Variants in SBF2 observed in about 807,000 individuals in gnomAD.
SBF2 encodes the protein SET binding factor 2, also known as myotubularin-related protein 13.
Under a neutral mutation model 225.2 loss-of-function variants are expected in SBF2, and 112 were observed. That is an observed-to-expected ratio of 0.50 (90% confidence interval 0.43 to 0.58). The LOEUF is 0.58. Ranked by LOEUF, SBF2 falls within the 20% of genes least tolerant of loss-of-function variation. The pLI is 0.00. For missense variants in SBF2, 1,996 were observed against 2,206.2 expected (o/e 0.90, Z 1.91); for synonymous variants, 763 against 773.3 (o/e 0.99, Z 0.22).
At chr11:10,201,541 G>A (rs1957570297) in intron 1 of SBF2, among the ~76,000 whole-genome samples, 1 of 152,192 alleles carries the variant, frequency 6.6e-6, no homozygotes, top group South Asian at 2.1e-4. Context: ...TGTTTCAACT[G>A]ACATAAGCCT....
chr11:10,287,154 A>G (rs1963849351), intron 1 of SBF2, among the ~76,000 whole-genome samples: 1 of 152,252 alleles, frequency 6.6e-6, no homozygotes, highest in African/African-American at 2.4e-5. Context: ...TTTATATGAC[A>G]TTCTAGAAAA....
intron 2 of SBF2, among the ~76,000 whole-genome samples, chr11:10,092,856 G>GT (rs1951839363): frequency 6.6e-6 from 1 of 151,958 alleles, no homozygotes; most frequent in Non-Finnish European, 1.5e-5. Context: ...ATTCCTCTCA[G>GT]TAAGATTATA....
chr11:10,127,170 C>T (rs1385284865), intron 2 of SBF2, among the ~76,000 whole-genome samples: 1 of 152,074 alleles, frequency 6.6e-6, no homozygotes, highest in Admixed American at 6.5e-5. Context: ...GGTACACTTA[C>T]AACACTTAAA....
chr11:10,093,737 C>G (rs1951883283), intron 2 of SBF2, among the ~76,000 whole-genome samples: 1 of 152,164 alleles, frequency 6.6e-6, no homozygotes. Flanking sequence ...TTGCTAAATA[C>G]AGAAAGGTTA....
chr11:10,058,432 G>A (rs1344837700), intron 2 of SBF2, among the ~76,000 whole-genome samples: 1 of 152,058 alleles, frequency 6.6e-6, no homozygotes, highest in Non-Finnish European at 1.5e-5. Flanking sequence ...TTGAAGACTG[G>A]TTCTCTCAAA....
At chr11:9,884,172 C>G (rs1356926221) in intron 17 of SBF2, among the ~76,000 whole-genome samples, 1 of 152,122 alleles carries the variant, frequency 6.6e-6, no homozygotes, top group Admixed American at 6.5e-5. Flanking sequence ...GGGTCCAGGT[C>G]AAAGGATTAG....
At chr11:9,802,141 T>C (rs1853529376) in intron 32 of SBF2, among the ~76,000 whole-genome samples, 1 of 152,230 alleles carries the variant, frequency 6.6e-6, no homozygotes. Flanking sequence ...CTATTCATGT[T>C]TTCTCCTGAT....
chr11:9,806,786 T>A (rs567343472), intron 32 of SBF2, among the ~76,000 whole-genome samples: 16 of 152,326 alleles, frequency 1.1e-4, no homozygotes, highest in African/African-American at 3.8e-4. Flanking sequence ...GTATGGAGTT[T>A]CTTTTTGGAG....
At chr11:10,079,148 T>C (rs1951254823) in intron 2 of SBF2, among the ~76,000 whole-genome samples, 2 of 152,060 alleles carry the variant, frequency 1.3e-5, no homozygotes, top group African/African-American at 4.8e-5. Context: ...ACTGGAAATA[T>C]TTAAAAAAAC....
intron 2 of SBF2, among the ~76,000 whole-genome samples, chr11:10,175,145 A>G (rs1172956076): frequency 2.0e-5 from 3 of 150,270 alleles, no homozygotes; most frequent in African/African-American, 4.9e-5. Flanking sequence ...TGACAGGATC[A>G]AATTCACACA....
chr11:9,799,451 TC>T (rs950635692), intron 32 of SBF2, among the ~76,000 whole-genome samples: 4 of 151,458 alleles, frequency 2.6e-5, no homozygotes, highest in African/African-American at 9.7e-5. Context: ...AAAACAAACC[TC>T]CCCCAAACTG....
At chr11:10,227,219 T>C (rs1958610136) in intron 1 of SBF2, among the ~76,000 whole-genome samples, 2 of 152,228 alleles carry the variant, frequency 1.3e-5, no homozygotes, top group African/African-American at 4.8e-5. Context: ...TTCTGGATAT[T>C]AGACCTTTGT....
chr11:9,943,933 GGTCATTACAACACT>G (rs1865424752), intron 16 of SBF2, among the ~76,000 whole-genome samples: 1 of 152,132 alleles, frequency 6.6e-6, no homozygotes, highest in African/African-American at 2.4e-5. Flanking sequence ...TATTAGGAAT[GGTCATTACAACACT>G]GTGTTTAGTT....
intron 2 of SBF2, among the ~76,000 whole-genome samples, chr11:10,190,838 C>T (rs942137577): frequency 6.6e-6 from 1 of 152,182 alleles, no homozygotes; most frequent in Non-Finnish European, 1.5e-5. Flanking sequence ...CAGAATTCTA[C>T]ATTTACACTA....
chr11:10,002,213 T>C (rs938951949), intron 7 of SBF2, among the ~76,000 whole-genome samples: 12 of 152,180 alleles, frequency 7.9e-5, no homozygotes, highest in Admixed American at 4.6e-4. Context: ...CTAAGAGAGA[T>C]AAGAGCTTTT....
In SBF2 at chr11:10,151,272, C is replaced by T. The variant is rs1039601421; in HGVS notation, c.141+42630G>A. On this transcript the variant is annotated intron_variant, in intron 2 of 39. Transcript: ENST00000256190. ...GAAAATCCCTTGGCATCTCTTTGCT[C>T]GCTCAGCCATCTGGATCCATCTTTT... 5.9e-5 allele frequency among the ~76,000 whole-genome samples: 9 copies of T among 152,274 alleles called. No individual in the cohort carries two copies. The South Asian group carries it at 1.0e-3, about 18-fold the overall frequency.
intron 17 of SBF2, among the ~76,000 whole-genome samples, chr11:9,872,989 G>A (rs1221217288): frequency 6.6e-6 from 1 of 151,936 alleles, no homozygotes; most frequent in Non-Finnish European, 1.5e-5. Context: ...CATAGATCAT[G>A]AGGTCAGGAG....
chr11:10,042,762 T>C, intron 3 of SBF2, 82 bp downstream of exon 3: 1 of 1,479,404 alleles, frequency 6.8e-7, no homozygotes, highest in Non-Finnish European at 9.4e-7. Context: ...AAACTTGCAG[T>C]TGTAACAAAA....
rs1865762743 is a variant in SBF2 at position 9,949,911 on chromosome 11, T to C, written c.1860+12046A>G. 2.0e-5 allele frequency among the ~76,000 whole-genome samples: 3 copies of C among 152,258 alleles called. 1 individual carries two copies. In the Middle Eastern group the frequency reaches 0.01, roughly 518 times the overall value. ...GGACACCTGCATAGAAAATAATATA[T>C]TGAACACATTAAAATATCCACAATG... On this transcript the variant is annotated intron_variant, in intron 16 of 39. Transcript: ENST00000256190.
Sources: allele counts gnomAD v4.1 joint callset (sites outside exome capture counted in the v4.1 genomes callset), GRCh38; gene constraint gnomAD v4.1.1; transcripts MANE v1.5; gene names NCBI Gene and HGNC (gene_info 2026-07-23, HGNC 2026-07-21).